The following RALGPS2 variants were observed in gnomAD, a reference collection of about 807,000 sequenced individuals.
RALGPS2 encodes ras-specific guanine nucleotide-releasing factor RalGPS2.
A neutral mutation model predicts 86.8 loss-of-function variants in RALGPS2; 43 were observed. The ratio of observed to expected loss-of-function variants is 0.50; its 90% confidence interval spans 0.39 to 0.64. The LOEUF is 0.64. Among genes scored for constraint, RALGPS2 ranks in the 30% least tolerant of loss-of-function variants. RALGPS2 has a pLI of 0.00. For synonymous variants in RALGPS2, 243 were observed against 231.3 expected (o/e 1.05, Z -0.46); for missense variants, 536 against 694.6 (o/e 0.77, Z 2.57).
intron 8 of RALGPS2, among the ~76,000 whole-genome samples, chr1:178,863,571 T>C (rs906008298): frequency 3.3e-5 from 5 of 152,182 alleles, no homozygotes; most frequent in African/African-American, 1.2e-4. Context: ...AGAAGGTGTT[T>C]CAGTAAAGAA....
intron 8 of RALGPS2, chr1:178,865,516 G>T: frequency 6.2e-7 from 1 of 1,614,040 alleles, no homozygotes; most frequent in Non-Finnish European, 8.5e-7. Context: ...CATCCTTCAG[G>T]TTTTCAAGGT....
chr1:178,871,364 GA>G (rs930543333), intron 8 of RALGPS2, among the ~76,000 whole-genome samples: 7 of 148,540 alleles, frequency 4.7e-5, no homozygotes, highest in Admixed American at 1.3e-4. Flanking sequence ...GTTGAATACC[GA>G]AAAAAAAAAT....
chr1:178,868,573 A>G (rs1658559784), intron 8 of RALGPS2, among the ~76,000 whole-genome samples: 1 of 152,036 alleles, frequency 6.6e-6, no homozygotes, highest in South Asian at 2.1e-4. Context: ...GATTTTTATA[A>G]AACAGCTAAA....
At chr1:178,783,627 C>T (rs883561) in intron 2 of RALGPS2, among the ~76,000 whole-genome samples, 36,104 of 151,964 alleles carry the variant, frequency 0.24, 5,024 homozygotes, top group Non-Finnish European at 0.32. Context: ...GTGTACTGTG[C>T]TAATTGAAAC....
intron 16 of RALGPS2, among the ~76,000 whole-genome samples, chr1:178,897,094 A>G (rs1172932629): frequency 6.6e-6 from 1 of 152,084 alleles, no homozygotes; most frequent in Non-Finnish European, 1.5e-5. Flanking sequence ...TTACAAGAAA[A>G]AAACAAACAA....
rs571347517 is a variant in RALGPS2 at position 178,839,229 on chromosome 1, A to C, written c.607+5679A>C. Among the ~76,000 whole-genome samples, 3 of 151,966 alleles carry C rather than the reference A, an allele frequency of 2.0e-5. No homozygotes were observed. The South Asian group carries it at 6.2e-4, about 32-fold the overall frequency. ...TAATTGCCAGATTCACCAAAGTTGA[A>C]ATGAAGGAAAAAATGTTAAGGACAG... is the stretch of plus-strand genomic sequence containing the variant. On this transcript the variant is annotated intron_variant, in intron 8 of 19. Transcript: ENST00000367635.
At chr1:178,853,210 A>C in intron 8 of RALGPS2, 1 of 985,372 alleles carries the variant, frequency 1.0e-6, no homozygotes, top group Non-Finnish European at 1.2e-6. Context: ...GACAATGCAA[A>C]TGAGAATAAA....
At chr1:178,860,810 G>A (rs1444324327) in intron 8 of RALGPS2, among the ~76,000 whole-genome samples, 3 of 152,128 alleles carry the variant, frequency 2.0e-5, no homozygotes, top group Admixed American at 2.0e-4. Flanking sequence ...TACAGTAATA[G>A]GAATTTCTTG....
intron 8 of RALGPS2, 75 bp from the exon 9 acceptor site, chr1:178,877,423 C>A: frequency 6.3e-7 from 1 of 1,580,176 alleles, no homozygotes; most frequent in Non-Finnish European, 8.6e-7. Flanking sequence ...ATAAACAACC[C>A]CTTCCCCCCT....
chr1:178,800,510 T>C (rs974738516), intron 4 of RALGPS2, among the ~76,000 whole-genome samples: 1 of 151,562 alleles, frequency 6.6e-6, no homozygotes, highest in Non-Finnish European at 1.5e-5. Context: ...TAACGAATAG[T>C]AAATTCTCTT....
At chr1:178,734,795 G>C (rs1650580818) in intron 1 of RALGPS2, among the ~76,000 whole-genome samples, 1 of 152,088 alleles carries the variant, frequency 6.6e-6, no homozygotes, top group Non-Finnish European at 1.5e-5. Context: ...AGAAAAAAGG[G>C]AAAAAATAAC....
chr1:178,836,978 G>T (rs895721561), intron 8 of RALGPS2, among the ~76,000 whole-genome samples: 1 of 151,872 alleles, frequency 6.6e-6, no homozygotes, highest in Non-Finnish European at 1.5e-5. Context: ...ACAGGATCTC[G>T]CCATGTTGCC....
intron 8 of RALGPS2, chr1:178,851,434 T>G: frequency 1.1e-6 from 1 of 892,972 alleles, no homozygotes; most frequent in Non-Finnish European, 1.6e-6. Context: ...CCAGTTACCT[T>G]TATCTCAGCA....
intron 1 of RALGPS2, among the ~76,000 whole-genome samples, chr1:178,748,550 G>A (rs573192517): frequency 6.6e-6 from 1 of 152,080 alleles, no homozygotes; most frequent in South Asian, 2.1e-4. Context: ...TAATTATGCA[G>A]AGCAAAAGAA....
At chr1:178,796,545 A>G (rs1654198709) in intron 4 of RALGPS2, among the ~76,000 whole-genome samples, 1 of 151,976 alleles carries the variant, frequency 6.6e-6, no homozygotes, top group Admixed American at 6.6e-5. Context: ...TACAGATTCC[A>G]TCGCTTTTTC....
chr1:178,849,668 A>C (rs187745302), intron 8 of RALGPS2: 1 of 152,334 alleles, frequency 6.6e-6, no homozygotes, highest in African/African-American at 2.4e-5. Flanking sequence ...AAACCAGTTT[A>C]AGATGACCAC....
At chr1:178,848,990 G>C (rs1657011472) in intron 8 of RALGPS2, among the ~76,000 whole-genome samples, 1 of 152,138 alleles carries the variant, frequency 6.6e-6, no homozygotes, top group Admixed American at 6.5e-5. Context: ...GCTATGATTT[G>C]TATTGCAGAA....
chr1:178,728,743 A>T (rs1429893084), intron 1 of RALGPS2, among the ~76,000 whole-genome samples: 1 of 152,114 alleles, frequency 6.6e-6, no homozygotes, highest in Non-Finnish European at 1.5e-5. Context: ...GAGAATAAAG[A>T]TTGTGATAAA....
intron 6 of RALGPS2, among the ~76,000 whole-genome samples, chr1:178,819,417 A>G (rs1450190746): frequency 6.6e-6 from 1 of 152,130 alleles, no homozygotes; most frequent in Non-Finnish European, 1.5e-5. Context: ...ATGGTGGGTA[A>G]GGATTACTTC....
Sources: allele counts gnomAD v4.1 joint callset (sites outside exome capture counted in the v4.1 genomes callset), GRCh38; gene constraint gnomAD v4.1.1; transcripts MANE v1.5; gene names NCBI Gene and HGNC (gene_info 2026-07-23, HGNC 2026-07-21).